DDX50: variants seen among roughly 807,000 people sequenced by gnomAD.
The protein encoded by DDX50 is DExD-box helicase 50, also known as ATP-dependent RNA helicase DDX50.
DDX50 carries 56 observed loss-of-function variants against 94.8 expected under a neutral mutation model. That is an observed-to-expected ratio of 0.59 (90% confidence interval 0.48 to 0.74). DDX50 has a LOEUF of 0.74. DDX50 is among the 30% of genes least tolerant of loss of function. DDX50 has a pLI of 0.00. For synonymous variants in DDX50, 264 were observed against 295.4 expected (o/e 0.89, Z 1.09); for missense variants, 713 against 881.2 (o/e 0.81, Z 2.42).
rs144639580 is a variant in DDX50, at chr10:68,922,194, T to C, written c.1239+2213T>C. 3.4e-4 allele frequency among the ~76,000 whole-genome samples: 52 copies of C among 151,906 alleles called. 1 individual carries two copies. The East Asian group carries it at 8.3e-3, about 24-fold the overall frequency. ...TATTCAGTTTTCAAAATTTCTCTCT[T>C]TTTTTTTAAGAGACAGGATCTTGCT... On this transcript the variant is annotated intron_variant, in intron 8 of 14. Coordinates refer to ENST00000373585, the MANE Select transcript of DDX50 (RefSeq NM_024045.2).
At chr10:68,915,285 C>T (rs1182122396) in intron 7 of DDX50, among the ~76,000 whole-genome samples, 1 of 151,040 alleles carries the variant, frequency 6.6e-6, no homozygotes, top group African/African-American at 2.4e-5. Flanking sequence ...TGGTGGCGGG[C>T]GCCTGTAGTT....
chr10:68,923,394 G>A (rs1238059151), intron 8 of DDX50, among the ~76,000 whole-genome samples: 2 of 150,232 alleles, frequency 1.3e-5, no homozygotes, highest in African/African-American at 4.9e-5. Flanking sequence ...TTTTTGTAGA[G>A]ATGGGATTTC....
intron 8 of DDX50, among the ~76,000 whole-genome samples, chr10:68,924,699 T>C (rs1842034055): frequency 6.6e-6 from 1 of 152,158 alleles, no homozygotes; most frequent in African/African-American, 2.4e-5. Flanking sequence ...TAGTTCTAGC[T>C]GTGTCTTTCC....
In DDX50 at chr10:68,934,333, C is replaced by G. The variant is rs1245213459; in HGVS notation, c.1374C>G (p.Asp458Glu). The G allele has an allele frequency of 3.7e-6, 6 of 1,613,646 alleles. No homozygotes were observed. The highest frequency in any genetic ancestry group is 5.1e-6 in the Non-Finnish European group (6 of 1,179,806). Residue 458 changes from aspartate to glutamate, a missense_variant, in exon 9 of 15, where the codon GAC becomes GAG. This residue lies in a region of DDX50 where 428 missense variants were observed against 602.3 expected (regional missense o/e 0.71). Coordinates refer to ENST00000373585, the MANE Select transcript of DDX50 (RefSeq NM_024045.2). The surrounding 1 kb of genome is among the most constrained non-coding windows in gnomAD (Gnocchi z 4.0). ...AARGLDIPEVDLVIQSSPPQD... is the reference protein window; with the variant it reads ...AARGLDIPEVELVIQSSPPQD... ...GTGGTTTGGACATTCCTGAAGTTGACCTGGTGATTCAAAGTTCTCCTCCTC... is the reference window on the plus strand; with the variant it reads ...GTGGTTTGGACATTCCTGAAGTTGAGCTGGTGATTCAAAGTTCTCCTCCTC...
intron 2 of DDX50, among the ~76,000 whole-genome samples, chr10:68,909,774 T>C (rs1841571142): frequency 6.6e-6 from 1 of 152,158 alleles, no homozygotes; most frequent in African/African-American, 2.4e-5. Context: ...GCAATTATCC[T>C]GCCTCAGCCT....
rs71474455 is a variant in DDX50 at position 68,923,111 on chromosome 10, T to TAAAA, written c.1239+3148_1239+3151dup. ...CCTGGCTGAGTATGACCCTTTCTCT[T>TAAAA]AAAAAAAAAAAAAAAAAAAAATTCT... On this transcript the variant is annotated intron_variant, in intron 8 of 14. Transcript: ENST00000373585. 4.2e-3 allele frequency among the ~76,000 whole-genome samples: 476 copies of TAAAA among 114,408 alleles called. 7 individuals carry two copies. Among genetic ancestry groups the TAAAA allele is most frequent in the African/African-American group, 0.015 (446 of 29,076 alleles). 75.1% of individuals were successfully genotyped at this position (114,408 alleles called of 152,430 possible). A position where few individuals can be genotyped will look rare whatever the true frequency, so the allele number is the denominator to read the frequency against.
rs780335896 is a variant in DDX50, at chr10:68,910,295, T to C, written c.385-12T>C. 1.3e-6 allele frequency: 2 copies of C among 1,586,774 alleles called. No individual in the cohort carries two copies. Among genetic ancestry groups the C allele is most frequent in the Non-Finnish European group, 1.7e-6 (2 of 1,170,158 alleles). On this transcript the variant is annotated splice_polypyrimidine_tract_variant and intron_variant, in intron 2 of 14. Coordinates refer to ENST00000373585, the MANE Select transcript of DDX50 (RefSeq NM_024045.2). Reference sequence around the variant, plus strand: ...GTATAAATTATTTAGGCCATTGATTTCATTTTTACAGACCTTAACACGTGA... The same window carrying C: ...GTATAAATTATTTAGGCCATTGATTCCATTTTTACAGACCTTAACACGTGA...
chr10:68,922,911 C>T (rs1338618891), intron 8 of DDX50, among the ~76,000 whole-genome samples: 1 of 150,210 alleles, frequency 6.7e-6, no homozygotes, highest in Admixed American at 6.7e-5. Flanking sequence ...CCTGCCTCAG[C>T]CTCCTGAGTA....
At chr10:68,938,892 G>A (rs538161170) in intron 12 of DDX50, among the ~76,000 whole-genome samples, 1 of 151,916 alleles carries the variant, frequency 6.6e-6, no homozygotes, top group Non-Finnish European at 1.5e-5. Context: ...ATTTTTTTCT[G>A]ATATTGATTT....
Position 68,925,094 on chromosome 10 carries a change from G to GTTTTTTTTTTTTTTTTTTT in DDX50, c.1239+5113_1239+5114insTTTTTTTTTTTTTTTTTTT, listed in dbSNP as rs752888119. 3.4e-5 allele frequency among the ~76,000 whole-genome samples: 3 copies of GTTTTTTTTTTTTTTTTTTT among 89,036 alleles called. 1 individual carries two copies. Among genetic ancestry groups the GTTTTTTTTTTTTTTTTTTT allele is most frequent in the Non-Finnish European group, 4.3e-5 (2 of 46,070 alleles). 58.4% of individuals were successfully genotyped at this position (89,036 alleles called of 152,430 possible). On this transcript the variant is annotated intron_variant, in intron 8 of 14. Coordinates refer to ENST00000373585, the MANE Select transcript of DDX50 (RefSeq NM_024045.2). ...ACAAGAATTATCCTTCCCTGCTCAT[G>GTTTTTTTTTTTTTTTTTTT]GTTTTTTTTTTTTTTTTTTTTTTTT...
At chr10:68,905,303 G>C (rs1261951312) in intron 1 of DDX50, among the ~76,000 whole-genome samples, 3 of 149,702 alleles carry the variant, frequency 2.0e-5, no homozygotes, top group African/African-American at 7.4e-5. Flanking sequence ...TTTTAAAATT[G>C]AAGTTGAAAA....
Position 68,934,841 on chromosome 10 carries a change from G to T in DDX50, c.1444G>T (p.Ala482Ser), listed in dbSNP as rs1205686643. ...CCATCGCTCTGGACGCACAGGTAGA[G>T]CTGGACGGACAGGGATTTGTATATG... ...YIHRSGRTGR[A>S]GRTGICICFY... The change falls in exon 10 of 15, where the codon GCT (alanine) becomes TCT (serine). Residue 482 changes from alanine (A) to serine (S), a missense_variant. By Grantham distance (99) the Ala-to-Ser change is moderately conservative. This residue lies in a region of DDX50 where 428 missense variants were observed against 602.3 expected (regional missense o/e 0.71). Coordinates refer to ENST00000373585, the MANE Select transcript of DDX50 (RefSeq NM_024045.2). The surrounding 1 kb of genome is among the most constrained non-coding windows in gnomAD (Gnocchi z 4.0). The T allele has an allele frequency of 1.2e-6, 2 of 1,613,192 alleles. No homozygotes were observed. Among genetic ancestry groups the T allele is most frequent in the Admixed American group, 3.3e-5 (2 of 59,970 alleles).
rs927621607 is a variant in DDX50, at chr10:68,909,654, C to CT, written c.385-642dup. On this transcript the variant is annotated intron_variant, in intron 2 of 14. Coordinates refer to ENST00000373585, the MANE Select transcript of DDX50 (RefSeq NM_024045.2). ...AGTTTGGAGGCCAAGGTAGGAGGAT[C>CT]TTTTTTTTTTTCTTGTTCTTCTTTT... 5.6e-4 allele frequency among the ~76,000 whole-genome samples: 82 copies of CT among 147,612 alleles called. 1 individual carries two copies. In the East Asian group the frequency reaches 0.011, roughly 19 times the overall value.
rs1485070630 is a variant in DDX50 at position 68,918,434 on chromosome 10, T to A, written c.1090-1398T>A. Among the ~76,000 whole-genome samples the A allele has an allele frequency of 1.1e-4, 15 of 138,762 alleles. 1 individual carries two copies. The East Asian group carries it at 1.7e-3, about 15-fold the overall frequency. 91.0% of individuals were successfully genotyped at this position (138,762 alleles called of 152,430 possible). ...AGTTACTCTCCATTCCCTCCTTTTT[T>A]TTTTTTTTTTTTTTTTTTTGAGACA... is the stretch of plus-strand genomic sequence containing the variant. On this transcript the variant is annotated intron_variant, in intron 7 of 14. Transcript: ENST00000373585.
At chr10:68,905,649 C>T (rs1277154841) in intron 1 of DDX50, among the ~76,000 whole-genome samples, 2 of 152,320 alleles carry the variant, frequency 1.3e-5, no homozygotes, top group South Asian at 2.1e-4. Flanking sequence ...CAGTGGCTCA[C>T]GCCTGTAATC....
chr10:68,922,348 A>C (rs545567598), intron 8 of DDX50, among the ~76,000 whole-genome samples: 48 of 152,268 alleles, frequency 3.2e-4, no homozygotes, highest in African/African-American at 1.1e-3. Flanking sequence ...CATTTTTAAA[A>C]AATCTGTTGT....
At chr10:68,904,382 T>TA (rs1341944297) in intron 1 of DDX50, among the ~76,000 whole-genome samples, 1 of 152,042 alleles carries the variant, frequency 6.6e-6, no homozygotes, top group Non-Finnish European at 1.5e-5. Flanking sequence ...CGTGTTGAGA[T>TA]ATGGAGCTGG....
At position 68,906,930 on chromosome 10, in the gene DDX50, G is replaced by A. The variant is rs1490648846; in HGVS notation, c.307G>A (p.Glu103Lys). Reference sequence around the variant, plus strand: ...AGATCTACCAAATGGAGATATAGATGAATATGAAAAAAAATCAAAGCGAGT... The same window carrying A: ...AGATCTACCAAATGGAGATATAGATAAATATGAAAAAAAATCAAAGCGAGT... The part of the protein sequence containing the change: ...RKDLPNGDID[E>K]YEKKSKRVSS... The change falls in exon 2 of 15, where the codon GAA becomes AAA. Residue 103 changes from glutamate (E) to lysine (K), a missense_variant. Glu to Lys is a moderately conservative substitution (Grantham distance 56). This residue lies in a region of DDX50 where 285 missense variants were observed against 278.9 expected (regional missense o/e 1.02). Transcript: ENST00000373585. 6.3e-7 allele frequency: 1 copy of A among 1,597,712 alleles called. No individual in the cohort carries two copies. Among genetic ancestry groups the A allele is most frequent in the South Asian group, 1.2e-5 (1 of 86,822 alleles).
intron 1 of DDX50, chr10:68,906,349 A>G (rs1488388442): frequency 4.5e-6 from 1 of 221,228 alleles, no homozygotes; most frequent in Non-Finnish European, 8.9e-6. Context: ...TAGGTATTCA[A>G]TAAGTATTAA....
Sources: gnomAD v4.1 joint callset for allele counts (sites outside exome capture counted in the v4.1 genomes callset) on GRCh38, gnomAD v4.1.1 for gene constraint, gnomAD v4.1.1 regional missense constraint, Gnocchi (gnomAD v3.1) non-coding constraint, MANE v1.5 for transcripts, NCBI Gene and HGNC (gene_info 2026-07-23, HGNC 2026-07-21) for gene names.